Variants in CLDN18 observed in about 807,000 individuals in gnomAD.
CLDN18 encodes the protein claudin-18.
Under a neutral mutation model 25.0 loss-of-function variants are expected in CLDN18, and 20 were observed. The ratio of observed to expected loss-of-function variants is 0.80; its 90% CI spans 0.56 to 1.16. The LOEUF (loss-of-function observed/expected upper bound fraction) is 1.16. Ranked by LOEUF, CLDN18 falls within the 50% of genes most tolerant of loss-of-function variation. CLDN18 has a pLI of 0.00. For synonymous variants in CLDN18, 125 were observed against 135.6 expected, an observed-to-expected ratio of 0.92 and a Z score of 0.54; for missense variants, 297 against 345.4, an observed-to-expected ratio of 0.86 and a Z score of 1.11.
At chr3:138,015,436 A>G (rs866506088) in intron 1 of CLDN18, among the ~76,000 whole-genome samples, 1 of 152,332 alleles carries the variant, frequency 6.6e-6, no homozygotes, top group Middle Eastern at 3.4e-3. Context: ...GGAGGGAGAA[A>G]TGTAAGTTTG....
rs1942386896 is a variant in CLDN18, at chr3:138,030,996, C to T, written c.641C>T (p.Ser214Leu). ...TNYKAVSYHA[S>L]GHSVAYKPGG... Reference sequence around the variant, plus strand: ...TACAAAGCCGTTTCTTATCATGCCTCAGGCCACAGTGTTGCCTACAAGCCT... The same window carrying T: ...TACAAAGCCGTTTCTTATCATGCCTTAGGCCACAGTGTTGCCTACAAGCCT... The change falls in exon 5 of 5, where the codon TCA becomes TTA. Residue 214 changes from serine to leucine, a missense_variant. Ser to Leu is a moderately radical substitution (Grantham distance 145, BLOSUM62 -2). Transcript: ENST00000183605. 1 of 1,613,372 alleles carries T rather than the reference C, an allele frequency of 6.2e-7. No homozygotes were observed. Among genetic ancestry groups the T allele is most frequent in the Non-Finnish European group, 8.5e-7 (1 of 1,179,824 alleles).
intron 1 of CLDN18, among the ~76,000 whole-genome samples, chr3:138,016,525 G>A (rs1026367077): frequency 1.4e-5 from 2 of 138,492 alleles, no homozygotes; most frequent in Non-Finnish European, 3.4e-5. Context: ...GCAGAGTGGA[G>A]AGGGGGCAAA....
chr3:138,019,599 T>C (rs1298410569), intron 1 of CLDN18, among the ~76,000 whole-genome samples: 1 of 152,204 alleles, frequency 6.6e-6, no homozygotes, highest in Non-Finnish European at 1.5e-5. Flanking sequence ...TCTGAGTACC[T>C]CTGCTGAGCC....
At chr3:138,009,566 C>A (rs917920949), upstream of CLDN18, among the ~76,000 whole-genome samples, 3 of 152,200 alleles carry the variant, frequency 2.0e-5, no homozygotes, top group Non-Finnish European at 4.4e-5. Context: ...GGACTGGAAG[C>A]TGAGGTGGGA....
At chr3:137,999,115 G>T (rs376957633) in intron 1 of CLDN18, 11 of 1,602,776 alleles carry the variant, frequency 6.9e-6, no homozygotes, top group Middle Eastern at 3.3e-4. Context: ...TGGCTGGCTG[G>T]AGGGAGAGAT....
intron 2 of CLDN18, among the ~76,000 whole-genome samples, 160 bp downstream of exon 2, chr3:138,023,982 T>C (rs1024029112): frequency 1.3e-5 from 2 of 152,130 alleles, no homozygotes; most frequent in African/African-American, 4.8e-5. Flanking sequence ...TCATGAGTAC[T>C]AAGGTCCTTC....
chr3:138,026,616 G>T (rs1447811786), intron 3 of CLDN18, among the ~76,000 whole-genome samples: 1 of 152,166 alleles, frequency 6.6e-6, no homozygotes, highest in East Asian at 1.9e-4. Context: ...CTGCACTCCA[G>T]CCTGGGTGAC....
chr3:138,011,058 A>T (rs1329328802), intron 1 of CLDN18, among the ~76,000 whole-genome samples: 1 of 152,200 alleles, frequency 6.6e-6, no homozygotes, highest in African/African-American at 2.4e-5. Context: ...GAATATAAAT[A>T]TAATTATAAA....
In CLDN18 at chr3:138,031,363, T is replaced by G; in HGVS notation, c.*222T>G. 2.6e-6 allele frequency: 1 copy of G among 391,296 alleles called. No individual in the cohort carries two copies. Among genetic ancestry groups the G allele is most frequent in the East Asian group, 3.8e-5 (1 of 26,194 alleles). 24.2% of individuals were successfully genotyped at this position (391,296 alleles called of 1,614,324 possible). A position where few individuals can be genotyped will look rare whatever the true frequency, so the allele number is the denominator to read the frequency against. Reference sequence around the variant, plus strand: ...TTATTTATGAATTAGAGGCTATAGCTCACATTTTCAATCCTCTATTTCTTT... The same window carrying G: ...TTATTTATGAATTAGAGGCTATAGCGCACATTTTCAATCCTCTATTTCTTT... On this transcript the variant is annotated 3_prime_UTR_variant, in exon 5 of 5. Coordinates refer to ENST00000183605, the MANE Select transcript of CLDN18 (RefSeq NM_016369.4).
intron 1 of CLDN18, among the ~76,000 whole-genome samples, 198 bp downstream of exon 1, chr3:138,010,643 C>T (rs1942126804): frequency 6.6e-6 from 1 of 152,214 alleles, no homozygotes; most frequent in Non-Finnish European, 1.5e-5. Context: ...AGGGTTAATA[C>T]TCAAGGCGAA....
chr3:138,002,348 C>T (rs938064863), intron 1 of CLDN18, among the ~76,000 whole-genome samples: 7 of 152,156 alleles, frequency 4.6e-5, no homozygotes, highest in African/African-American at 1.4e-4. Context: ...ATAATTGTTG[C>T]AATCAGGTCT....
intron 1 of CLDN18, among the ~76,000 whole-genome samples, chr3:138,011,720 G>A (rs1942138460): frequency 6.6e-6 from 1 of 152,070 alleles, no homozygotes; most frequent in Non-Finnish European, 1.5e-5. Context: ...AAGGCATGAT[G>A]TCTTATGACT....
At chr3:138,025,545 G>A (rs935491779) in intron 3 of CLDN18, among the ~76,000 whole-genome samples, 1 of 152,150 alleles carries the variant, frequency 6.6e-6, no homozygotes, top group Non-Finnish European at 1.5e-5. Context: ...GGGTACAGAC[G>A]GAGAGGGAGG....
intron 1 of CLDN18, among the ~76,000 whole-genome samples, chr3:138,018,642 G>T (rs1005546931): frequency 6.6e-6 from 1 of 152,202 alleles, no homozygotes. Flanking sequence ...GGCCCTCAAG[G>T]CCTTTTATAA....
chr3:138,007,043 C>T (rs1176329392), upstream of CLDN18, among the ~76,000 whole-genome samples: 1 of 152,012 alleles, frequency 6.6e-6, no homozygotes, highest in Admixed American at 6.5e-5. Flanking sequence ...ATTTTTCCAT[C>T]TTCAATCTAT....
At chr3:138,013,298 T>A (rs1462894378) in intron 1 of CLDN18, among the ~76,000 whole-genome samples, 1 of 152,208 alleles carries the variant, frequency 6.6e-6, no homozygotes, top group Non-Finnish European at 1.5e-5. Flanking sequence ...TTAACAAATA[T>A]CTCTTGCATG....
upstream of CLDN18, among the ~76,000 whole-genome samples, chr3:138,008,985 C>T (rs1262798834): frequency 6.6e-6 from 1 of 152,198 alleles, no homozygotes; most frequent in African/African-American, 2.4e-5. Context: ...CCATATCCGT[C>T]AACCAATTCT....
At chr3:138,024,488 G>C (rs931302307) in intron 2 of CLDN18, 119 bp from the exon 3 acceptor site, 18 of 689,962 alleles carry the variant, frequency 2.6e-5, no homozygotes, top group Admixed American at 6.5e-5. Flanking sequence ...TCAATGCTTG[G>C]TTATAGGGAT....
At chr3:138,007,422 C>A (rs983148204), upstream of CLDN18, among the ~76,000 whole-genome samples, 2 of 152,124 alleles carry the variant, frequency 1.3e-5, no homozygotes, top group Non-Finnish European at 2.9e-5. Flanking sequence ...AAGCCATCAT[C>A]CTCAGCAAAC....
Sources: allele counts gnomAD v4.1 joint callset (sites outside exome capture counted in the v4.1 genomes callset), GRCh38; gene constraint gnomAD v4.1.1; transcripts MANE v1.5; gene names NCBI Gene and HGNC (gene_info 2026-07-23, HGNC 2026-07-21).